CBLC: variants seen among roughly 807,000 people sequenced by gnomAD.
The protein encoded by CBLC is E3 ubiquitin-protein ligase CBL-C.
A neutral mutation model predicts 58.6 loss-of-function variants in CBLC; 46 were observed. The ratio of observed to expected loss-of-function variants is 0.79; its 90% CI spans 0.62 to 1.00. The LOEUF is 1.00. Ranked by LOEUF, CBLC falls within the 50% of genes least tolerant of loss-of-function variation. The pLI is 0.00. For missense variants in CBLC, 655 were observed against 625.8 expected, an observed-to-expected ratio of 1.05 and a Z score of -0.50; for synonymous variants, 271 against 264.2, an observed-to-expected ratio of 1.03 and a Z score of -0.25.
intron 7 of CBLC, among the ~76,000 whole-genome samples, chr19:44,793,219 T>C (rs1968098119): frequency 6.6e-6 from 1 of 152,128 alleles, no homozygotes; most frequent in Admixed American, 6.5e-5. Flanking sequence ...CCGGAAGCTG[T>C]GGCCACAGCT....
rs58171575 is a variant in CBLC, at chr19:44,784,950, G to GTTTTTTTTTTTTTTT, written c.917+574_917+588dup. 1.5e-4 allele frequency among the ~76,000 whole-genome samples: 5 copies of GTTTTTTTTTTTTTTT among 34,372 alleles called. 1 individual carries two copies. Among genetic ancestry groups the GTTTTTTTTTTTTTTT allele is most frequent in the Non-Finnish European group, 2.6e-4 (4 of 15,214 alleles). 22.5% of individuals were successfully genotyped at this position (34,372 alleles called of 152,430 possible). On this transcript the variant is annotated intron_variant, in intron 5 of 10. Coordinates refer to ENST00000647358, the MANE Select transcript of CBLC (RefSeq NM_012116.4). ...GAACTGGAGAACTTGCTAGACAGGT[G>GTTTTTTTTTTTTTTT]TTTTTTTTTTTTTTTTTTTTTTTTT...
Position 44,782,363 on chromosome 19 carries a change from A to G in CBLC, c.658-7A>G, listed in dbSNP as rs200116296. 5.3e-5 allele frequency: 86 copies of G among 1,613,410 alleles called. No homozygotes were observed. Among genetic ancestry groups the G allele is most frequent in the Non-Finnish European group, 6.7e-5 (79 of 1,179,686 alleles). ...CGCTCCCTGACCCAAGCCCTGCCCC[A>G]CCCCAGCCATGGCCAACACTCCTCA... On this transcript the variant is annotated splice_region_variant and splice_polypyrimidine_tract_variant and intron_variant, in intron 3 of 10. Transcript: ENST00000647358.
intron 6 of CBLC, among the ~76,000 whole-genome samples, chr19:44,791,394 C>G (rs1048377437): frequency 4.6e-5 from 7 of 151,842 alleles, no homozygotes; most frequent in Non-Finnish European, 1.5e-5. Flanking sequence ...CTAAATCTGG[C>G]ACCACTGGGT....
chr19:44,798,829 G>A (rs912684025), intron 9 of CBLC, among the ~76,000 whole-genome samples: 1 of 152,158 alleles, frequency 6.6e-6, no homozygotes, highest in Non-Finnish European at 1.5e-5. Context: ...AAGACCTGGG[G>A]CTGGGGATCT....
chr19:44,780,930 A>C lies in CBLC; in HGVS notation c.379A>C (p.Ile127Leu). ...LRRQLAKLAIIFSHMHAELHA... is the reference protein window; with the variant it reads ...LRRQLAKLAILFSHMHAELHA... ...GCGACAGCTGGCCAAGCTGGCCATC[A>C]TCTTCAGCCACATGCACGCAGAGCT... The change falls in exon 2 of 11, where the codon ATC (isoleucine) becomes CTC (leucine). Residue 127 changes from isoleucine to leucine, a missense_variant. Physicochemically the swap from Ile to Leu is conservative, Grantham distance 5. Coordinates refer to ENST00000647358, the MANE Select transcript of CBLC (RefSeq NM_012116.4). 6.2e-7 allele frequency: 1 copy of C among 1,613,128 alleles called. No individual in the cohort carries two copies. Among genetic ancestry groups the C allele is most frequent in the Non-Finnish European group, 8.5e-7 (1 of 1,180,008 alleles).
At chr19:44,782,598 G>A (rs1967780347) in intron 4 of CBLC, 107 bp downstream of exon 4, 3 of 895,290 alleles carry the variant, frequency 3.4e-6, no homozygotes, top group Non-Finnish European at 5.2e-6. Flanking sequence ...GGGAACAGAG[G>A]TACCCAGGAC....
In CBLC at chr19:44,778,430, G is replaced by A. The variant is rs565733806; in HGVS notation, c.353+146G>A. The A allele has an allele frequency of 1.5e-4, 76 of 497,320 alleles. 1 individual carries two copies. The African/African-American group carries it at 4.4e-3, about 28-fold the overall frequency. The allele number at this position is 497,320 out of a possible 1,614,324, so 30.8% of individuals were successfully genotyped here. On this transcript the variant is annotated intron_variant, in intron 1 of 10. Coordinates refer to ENST00000647358, the MANE Select transcript of CBLC (RefSeq NM_012116.4). Reference sequence around the variant, plus strand: ...CAGGCCCCCACCACCTCCTCCCTCAGACTCAGGGCTCCAGCCCCCAGCCCC... The same window carrying A: ...CAGGCCCCCACCACCTCCTCCCTCAAACTCAGGGCTCCAGCCCCCAGCCCC...
chr19:44,796,368 T>C (rs1344471030), intron 9 of CBLC, among the ~76,000 whole-genome samples: 1 of 152,052 alleles, frequency 6.6e-6, no homozygotes, highest in African/African-American at 2.4e-5. Context: ...TACTTATTTT[T>C]TTGTTGTTTC....
rs1967611282 is a variant in CBLC, at chr19:44,777,991, G to A, written c.60G>A (p.Arg20=). The change falls in exon 1 of 11, where the codon CGG becomes CGA. Residue 20 remains arginine (R), a synonymous_variant. Coordinates refer to ENST00000647358, the MANE Select transcript of CBLC (RefSeq NM_012116.4). ...RQWEEARALG[R]AVRMLQRLEE... ...GGGAAGAGGCCCGCGCCCTGGGCCG[G>A]GCAGTCAGGATGCTGCAGCGCCTAG... is the stretch of plus-strand genomic sequence containing the variant. 1 of 1,607,890 alleles carries A rather than the reference G, an allele frequency of 6.2e-7. No homozygotes were observed. The highest frequency in any genetic ancestry group is 8.5e-7 in the Non-Finnish European group (1 of 1,179,266).
intron 1 of CBLC, among the ~76,000 whole-genome samples, chr19:44,780,478 T>C (rs1967691547): frequency 6.8e-6 from 1 of 147,564 alleles, no homozygotes; most frequent in South Asian, 2.2e-4. Context: ...AATTTTTTTT[T>C]TTTTTTTTTT....
intron 8 of CBLC, among the ~76,000 whole-genome samples, chr19:44,793,836 AC>A (rs753086782): frequency 2.7e-5 from 4 of 147,992 alleles, no homozygotes; most frequent in Non-Finnish European, 4.5e-5. Flanking sequence ...AGGGGCCTGG[AC>A]TCCTGGGTCT....
At position 44,777,978 on chromosome 19, in the gene CBLC, G is replaced by A; in HGVS notation, c.47G>A (p.Arg16His). ...APWGRQWEEA[R>H]ALGRAVRMLQ... ...TGGGGGCGACAGTGGGAAGAGGCCC[G>A]CGCCCTGGGCCGGGCAGTCAGGATG... is the stretch of plus-strand genomic sequence containing the variant. Residue 16 changes from arginine to histidine, a missense_variant, in exon 1 of 11, where the codon CGC becomes CAC. Arg to His is a conservative substitution (Grantham distance 29). Around this residue, in one of 3 missense-constraint regions of CBLC, gnomAD observed 280 missense variants for 237.2 expected, o/e 1.18. Transcript: ENST00000647358. 6.2e-7 allele frequency: 1 copy of A among 1,606,282 alleles called. No homozygotes were observed. Among genetic ancestry groups the A allele is most frequent in the Non-Finnish European group, 8.5e-7 (1 of 1,178,746 alleles).
intron 4 of CBLC, among the ~76,000 whole-genome samples, chr19:44,783,169 G>A (rs1350947354): frequency 2.0e-5 from 3 of 151,702 alleles, no homozygotes; most frequent in East Asian, 1.9e-4. Flanking sequence ...TCAGGAGTTC[G>A]AGACCAGCCT....
At chr19:44,784,163 A>T in intron 4 of CBLC, 101 bp from the exon 5 acceptor site, 2 of 1,119,390 alleles carry the variant, frequency 1.8e-6, no homozygotes, top group Non-Finnish European at 2.5e-6. Flanking sequence ...GGGGGTGAGG[A>T]CCTAGACACC....
rs149766722 is a variant in CBLC, at chr19:44,799,133, A to G, written c.1363-1248A>G. 5.0e-3 allele frequency among the ~76,000 whole-genome samples: 767 copies of G among 152,256 alleles called. 4 individuals carry two copies. Among genetic ancestry groups the G allele is most frequent in the Middle Eastern group, 0.017 (5 of 294 alleles). ...AGTGGAGCATCAGCTCCACCAGGAC[A>G]AAGATAGTTTTCTGTCTTGTTCACA... On this transcript the variant is annotated intron_variant, in intron 9 of 10. Coordinates refer to ENST00000647358, the MANE Select transcript of CBLC (RefSeq NM_012116.4).
intron 1 of CBLC, among the ~76,000 whole-genome samples, chr19:44,780,227 C>A (rs1967683848): frequency 6.6e-6 from 1 of 151,520 alleles, no homozygotes; most frequent in African/African-American, 2.4e-5. Context: ...CTCTGCCTCC[C>A]ATGTTCAAGC....
At position 44,795,098 on chromosome 19, in the gene CBLC, C is replaced by T. The variant is rs998024827; in HGVS notation, c.1362+817C>T. ...TCAGCCTCCTAAGTAGCTGGGACTA[C>T]AGGCACCCACCACCATGCCCGACTA... is the stretch of plus-strand genomic sequence containing the variant. On this transcript the variant is annotated intron_variant, in intron 9 of 10. Coordinates refer to ENST00000647358, the MANE Select transcript of CBLC (RefSeq NM_012116.4). 7.2e-5 allele frequency among the ~76,000 whole-genome samples: 11 copies of T among 152,176 alleles called. No individual in the cohort carries two copies. The East Asian group carries it at 1.8e-3, about 24-fold the overall frequency.
intron 5 of CBLC, among the ~76,000 whole-genome samples, chr19:44,788,202 C>T (rs978481078): frequency 6.6e-6 from 1 of 151,984 alleles, no homozygotes; most frequent in African/African-American, 2.4e-5. Context: ...GCTGCAGCCT[C>T]GACCTCCCAG....
At position 44,783,261 on chromosome 19, in the gene CBLC, T is replaced by C. The variant is rs186122369; in HGVS notation, c.779+770T>C. Among the ~76,000 whole-genome samples the C allele has an allele frequency of 5.3e-5, 8 of 150,572 alleles. No individual in the cohort carries two copies. The East Asian group carries it at 1.6e-3, about 30-fold the overall frequency. Reference sequence around the variant, plus strand: ...GTGGCTCACGCCTGTAATTCCAGCATTTTGGGAGGCCGAGGTGGGTGGATC... The same window carrying C: ...GTGGCTCACGCCTGTAATTCCAGCACTTTGGGAGGCCGAGGTGGGTGGATC... On this transcript the variant is annotated intron_variant, in intron 4 of 10. Transcript: ENST00000647358.
Sources: gnomAD v4.1 joint callset for allele counts (sites outside exome capture counted in the v4.1 genomes callset) on GRCh38, gnomAD v4.1.1 for gene constraint, gnomAD v4.1.1 regional missense constraint, MANE v1.5 for transcripts, NCBI Gene and HGNC (gene_info 2026-07-23, HGNC 2026-07-21) for gene names.